BABAM2: variants seen among roughly 807,000 people sequenced by gnomAD.
The protein encoded by BABAM2 is BRISC and BRCA1 A complex member 2.
BABAM2 carries 31 observed loss-of-function variants against 54.7 expected under a neutral mutation model. The observed-to-expected ratio is 0.57, with a 90% CI of 0.43 to 0.77. BABAM2 has a LOEUF of 0.77. BABAM2 is among the 30% of genes least tolerant of loss of function. The pLI is 0.00. For missense variants in BABAM2, 364 were observed against 455.8 expected, an observed-to-expected ratio of 0.80 and a Z score of 1.83; for synonymous variants, 167 against 162.9, an observed-to-expected ratio of 1.03 and a Z score of -0.19.
chr2:27,998,243 G>A (rs781250013), intron 4 of BABAM2, among the ~76,000 whole-genome samples: 23 of 151,976 alleles, frequency 1.5e-4, no homozygotes, highest in Non-Finnish European at 2.8e-4. Flanking sequence ...TCATCCATCC[G>A]CTCTTTGTCG....
intron 5 of BABAM2, among the ~76,000 whole-genome samples, chr2:28,036,724 T>G (rs1676690638): frequency 6.6e-6 from 1 of 152,220 alleles, no homozygotes; most frequent in Non-Finnish European, 1.5e-5. Flanking sequence ...TTTCATGAGA[T>G]CCCTCATATC....
intron 6 of BABAM2, among the ~76,000 whole-genome samples, chr2:28,086,710 A>C (rs10173426): frequency 1.3e-5 from 2 of 152,056 alleles, no homozygotes; most frequent in Non-Finnish European, 2.9e-5. Flanking sequence ...AACTTATTTA[A>C]GATGCACTTT....
At chr2:28,070,750 G>GGTTAAGCAT (rs1664062027) in intron 6 of BABAM2, among the ~76,000 whole-genome samples, 1 of 151,966 alleles carries the variant, frequency 6.6e-6, no homozygotes, top group Non-Finnish European at 1.5e-5. Flanking sequence ...TTCAAAAAGA[G>GGTTAAGCAT]GTTAAGCATT....
At chr2:27,961,362 C>T (rs1346766041) in intron 3 of BABAM2, among the ~76,000 whole-genome samples, 11 of 152,174 alleles carry the variant, frequency 7.2e-5, no homozygotes, top group Admixed American at 7.2e-4. Flanking sequence ...AGTACCCATG[C>T]AACCATTCTG....
At chr2:28,173,094 T>C (rs1169932580) in intron 7 of BABAM2, among the ~76,000 whole-genome samples, 1 of 152,168 alleles carries the variant, frequency 6.6e-6, no homozygotes, top group Non-Finnish European at 1.5e-5. Context: ...TAACATTATC[T>C]AATGTTAATT....
chr2:28,012,937 C>T (rs1022674390), intron 4 of BABAM2, among the ~76,000 whole-genome samples: 7 of 152,116 alleles, frequency 4.6e-5, no homozygotes, highest in Non-Finnish European at 1.0e-4. Context: ...TCCCATTTAT[C>T]CATCCCCGAT....
At chr2:28,236,635 G>A (rs1417937747) in intron 7 of BABAM2, among the ~76,000 whole-genome samples, 1 of 152,042 alleles carries the variant, frequency 6.6e-6, no homozygotes, top group Non-Finnish European at 1.5e-5. Flanking sequence ...CAAAGTGCTG[G>A]GATTACAGGC....
At chr2:28,230,847 T>C (rs576203620) in intron 7 of BABAM2, among the ~76,000 whole-genome samples, 140 of 152,314 alleles carry the variant, frequency 9.2e-4, no homozygotes, top group Admixed American at 2.3e-3. Flanking sequence ...TACTTTGTTG[T>C]GACATATGGT....
intron 7 of BABAM2, among the ~76,000 whole-genome samples, chr2:28,143,752 G>A (rs1671259644): frequency 1.3e-5 from 2 of 152,190 alleles, no homozygotes; most frequent in Non-Finnish European, 2.9e-5. Context: ...TGCCACATGT[G>A]TTAAGCGCTC....
rs60488566 is a variant in BABAM2, at chr2:28,336,443, G to A, written c.1089-2007G>A. 8.9e-3 allele frequency among the ~76,000 whole-genome samples: 1,351 copies of A among 152,030 alleles called. 24 individuals carry two copies. The highest frequency in any genetic ancestry group is 0.031 in the African/African-American group (1,267 of 41,518). ...GTCCCACAGGTGGTTGGAGACGTGG[G>A]ACTGGAAGTTTGAGGGGAGGGAGGG... On this transcript the variant is annotated intron_variant, in intron 11 of 11. Transcript: ENST00000379624.
chr2:28,280,739 AC>A (rs1686284113), intron 10 of BABAM2, among the ~76,000 whole-genome samples: 1 of 152,226 alleles, frequency 6.6e-6, no homozygotes, highest in African/African-American at 2.4e-5. Context: ...TCAAGCGGTG[AC>A]TTAGCAAGTT....
intron 11 of BABAM2, among the ~76,000 whole-genome samples, chr2:28,303,542 T>C (rs1265844509): frequency 6.6e-6 from 1 of 152,248 alleles, no homozygotes; most frequent in Non-Finnish European, 1.5e-5. Context: ...ATTGATAGGT[T>C]TGTATACCAA....
At chr2:28,031,142 CAT>C (rs1676264424) in intron 5 of BABAM2, among the ~76,000 whole-genome samples, 1 of 152,168 alleles carries the variant, frequency 6.6e-6, no homozygotes, top group African/African-American at 2.4e-5. Context: ...AGGGTAGTAT[CAT>C]AAACTTAGAT....
chr2:28,315,266 C>T (rs1017469170), intron 11 of BABAM2, among the ~76,000 whole-genome samples: 36 of 151,816 alleles, frequency 2.4e-4, no homozygotes, highest in Admixed American at 2.1e-3. Flanking sequence ...GTTTTTAAAT[C>T]TCTGTGGGCC....
intron 3 of BABAM2, among the ~76,000 whole-genome samples, chr2:27,969,464 A>T (rs1450257285): frequency 1.3e-5 from 2 of 152,146 alleles, no homozygotes; most frequent in Non-Finnish European, 2.9e-5. Flanking sequence ...TGTGAAAGTC[A>T]CTTCAGTATT....
chr2:28,283,218 G>C (rs1183247884), intron 10 of BABAM2, among the ~76,000 whole-genome samples: 1 of 152,144 alleles, frequency 6.6e-6, no homozygotes, highest in Non-Finnish European at 1.5e-5. Flanking sequence ...AAGACCCTGG[G>C]CTTCTCTCTG....
intron 3 of BABAM2, among the ~76,000 whole-genome samples, chr2:27,937,987 A>C (rs984423169): frequency 1.3e-5 from 2 of 152,160 alleles, no homozygotes; most frequent in Non-Finnish European, 2.9e-5. Context: ...TTTGTATATG[A>C]TGAAAGGTAA....
At chr2:28,298,192 C>G in intron 10 of BABAM2, 146 bp from the exon 11 acceptor site, 1 of 840,358 alleles carries the variant, frequency 1.2e-6, no homozygotes, top group Non-Finnish European at 1.9e-6. Flanking sequence ...TGGTGCCTCT[C>G]TATACACCAC....
In BABAM2 at chr2:28,010,157, C is replaced by CT. The variant is rs1674287235; in HGVS notation, c.301-15063dup. Reference sequence around the variant, plus strand: ...TTATGTCCTTCAATGGGACTGTTAGCTTTTTTATAAGTTTCACTTGATTAC... The same window carrying CT: ...TTATGTCCTTCAATGGGACTGTTAGCTTTTTTTATAAGTTTCACTTGATTAC... On this transcript the variant is annotated intron_variant, in intron 4 of 11. Coordinates refer to ENST00000379624, the MANE Select transcript of BABAM2 (RefSeq NM_199191.3). 2.0e-5 allele frequency among the ~76,000 whole-genome samples: 3 copies of CT among 152,028 alleles called. No individual in the cohort carries two copies. The South Asian group carries it at 6.2e-4, about 32-fold the overall frequency.
Sources: gnomAD v4.1 joint callset for allele counts (sites outside exome capture counted in the v4.1 genomes callset) on GRCh38, gnomAD v4.1.1 for gene constraint, MANE v1.5 for transcripts, NCBI Gene and HGNC (gene_info 2026-07-23, HGNC 2026-07-21) for gene names.